Variants in SLC36A1 observed in about 807,000 individuals in gnomAD.
SLC36A1 encodes solute carrier family 36 member 1.
Under a neutral mutation model 47.5 loss-of-function variants are expected in SLC36A1, and 30 were observed. The observed-to-expected ratio is 0.63, with a 90% CI of 0.47 to 0.86. The LOEUF (loss-of-function observed/expected upper bound fraction) is 0.86. Among genes scored for constraint, SLC36A1 ranks in the 40% least tolerant of loss-of-function variants. The pLI, the probability that SLC36A1 is intolerant of heterozygous loss-of-function variation, is 0.00. For synonymous variants in SLC36A1, 255 were observed against 249.7 expected (o/e 1.02, Z -0.20); for missense variants, 517 against 606.0 (o/e 0.85, Z 1.54).
the SLC36A1 span, among the ~76,000 whole-genome samples, chr5:151,402,102 C>T: frequency 7.4e-3 from 1,125 of 152,272 alleles, 18 homozygotes; most frequent in African/African-American, 0.026. Flanking sequence ...TTTGCCCATT[C>T]AGGATGATGT....
chr5:151,395,897 C>A, the SLC36A1 span, among the ~76,000 whole-genome samples: 41 of 152,246 alleles, frequency 2.7e-4, no homozygotes, highest in African/African-American at 9.6e-4. Context: ...GCAACCTCCA[C>A]CTCCCGAGTT....
chr5:151,540,695 T>G, the SLC36A1 span: 4 of 1,614,176 alleles, frequency 2.5e-6, no homozygotes, highest in South Asian at 4.4e-5. Context: ...CGGTCCAGGG[T>G]CTTCCTTGAG....
chr5:151,475,933 G>A (rs74415159), intron 8 of SLC36A1, among the ~76,000 whole-genome samples: 4,923 of 152,270 alleles, frequency 0.032, 113 homozygotes, highest in Non-Finnish European at 0.048. Flanking sequence ...TTTTCATAGG[G>A]GCCTTTCCTT....
chr5:151,507,981 C>T, the SLC36A1 span, among the ~76,000 whole-genome samples: 1 of 152,292 alleles, frequency 6.6e-6, no homozygotes, highest in Non-Finnish European at 1.5e-5. Flanking sequence ...GTCAGCATTG[C>T]CCAGTTATAG....
the SLC36A1 span, among the ~76,000 whole-genome samples, chr5:151,533,886 A>G: frequency 6.6e-6 from 1 of 152,164 alleles, no homozygotes; most frequent in Non-Finnish European, 1.5e-5. Context: ...AATATGTTTG[A>G]ATGAATGCAA....
the SLC36A1 span, among the ~76,000 whole-genome samples, chr5:151,398,710 G>C: frequency 6.6e-6 from 1 of 152,192 alleles, no homozygotes; most frequent in Non-Finnish European, 1.5e-5. Flanking sequence ...TGTTTAAAAA[G>C]AGCAACAGGG....
At chr5:151,543,400 G>A in the SLC36A1 span, 1 of 1,614,158 alleles carries the variant, frequency 6.2e-7, no homozygotes. Context: ...ATTTTCATCT[G>A]TGAGGATGAT....
At chr5:151,508,051 T>A in the SLC36A1 span, among the ~76,000 whole-genome samples, 53 of 152,278 alleles carry the variant, frequency 3.5e-4, 1 homozygote, top group Admixed American at 2.0e-3. Flanking sequence ...GCCAACGTGG[T>A]CCTGCACAGA....
chr5:151,479,855 G>A, intron 10 of SLC36A1: 3 of 526,816 alleles, frequency 5.7e-6, no homozygotes, highest in Non-Finnish European at 9.9e-6. Context: ...CTGATGAAGG[G>A]TACTTATTTG....
chr5:151,418,790 A>C, the SLC36A1 span, among the ~76,000 whole-genome samples: 3 of 152,164 alleles, frequency 2.0e-5, no homozygotes, highest in Admixed American at 2.0e-4. Flanking sequence ...ATTGGTTTTG[A>C]AATGTGAAAG....
Position 151,463,533 on chromosome 5 carries a change from T to G in SLC36A1, c.144-20T>G. The stretch of plus-strand genomic sequence containing the variant: ...GTTAACTGTCATGGTTATCATTTCC[T>G]TGGCTGTCTTCCACTTCAGATGGTT... On this transcript the variant is annotated intron_variant, in intron 2 of 10. Transcript: ENST00000243389. 1.3e-6 allele frequency: 2 copies of G among 1,580,364 alleles called. No homozygotes were observed. The highest frequency in any genetic ancestry group is 8.7e-7 in the Non-Finnish European group (1 of 1,149,176).
At chr5:151,347,556 C>G in the SLC36A1 span, 2 of 1,488,276 alleles carry the variant, frequency 1.3e-6, no homozygotes, top group South Asian at 1.1e-5. Flanking sequence ...CACCCCAGCA[C>G]AGTGGTGTGT....
At chr5:151,348,108 A>G in the SLC36A1 span, among the ~76,000 whole-genome samples, 1 of 152,306 alleles carries the variant, frequency 6.6e-6, no homozygotes, top group Non-Finnish European at 1.5e-5. Context: ...TTGGAACAAA[A>G]AAGGGACAGT....
At chr5:151,430,393 G>A in the SLC36A1 span, among the ~76,000 whole-genome samples, 7 of 146,576 alleles carry the variant, frequency 4.8e-5, no homozygotes, top group Non-Finnish European at 1.0e-4. Context: ...GCGTGACCTC[G>A]GCTGACTGCA....
At chr5:151,551,364 C>T in the SLC36A1 span, 6 of 1,246,112 alleles carry the variant, frequency 4.8e-6, no homozygotes, top group East Asian at 1.4e-4. Flanking sequence ...TTCAGTGTTC[C>T]TTGAGGAACA....
the SLC36A1 span, chr5:151,512,660 T>C: frequency 1.9e-5 from 27 of 1,454,546 alleles, no homozygotes; most frequent in South Asian, 3.4e-4. The surrounding 1 kb of genome is among the most constrained non-coding windows in gnomAD (Gnocchi z 4.1). Flanking sequence ...CTTGTAAACC[T>C]GCTAAGAGGC....
At chr5:151,449,866 C>T (rs539281618) in intron 1 of SLC36A1, among the ~76,000 whole-genome samples, 1 of 152,320 alleles carries the variant, frequency 6.6e-6, no homozygotes, top group South Asian at 2.1e-4. Context: ...TCTTTCAACT[C>T]AAGAGTCTGT....
intron 10 of SLC36A1, among the ~76,000 whole-genome samples, chr5:151,483,257 C>T (rs1759050211): frequency 6.6e-6 from 1 of 152,138 alleles, no homozygotes; most frequent in South Asian, 2.1e-4. Context: ...CTCCAGAATC[C>T]AGTTCCTTCT....
At chr5:151,393,163 TC>T in the SLC36A1 span, among the ~76,000 whole-genome samples, 1 of 151,860 alleles carries the variant, frequency 6.6e-6, no homozygotes, top group Admixed American at 6.6e-5. Flanking sequence ...GTAATGGCCT[TC>T]TTTGTCTCTT....
Sources: gnomAD v4.1 joint callset for allele counts (sites outside exome capture counted in the v4.1 genomes callset) on GRCh38, gnomAD v4.1.1 for gene constraint, Gnocchi (gnomAD v3.1) non-coding constraint, MANE v1.5 for transcripts, NCBI Gene and HGNC (gene_info 2026-07-23, HGNC 2026-07-21) for gene names.